Variants in TEX11 observed in about 807,000 individuals in gnomAD.
TEX11 encodes the protein testis-expressed protein 11.
Under a neutral mutation model 84.4 loss-of-function variants are expected in TEX11, and 7 were observed. That is an observed-to-expected ratio of 0.08 (90% CI 0.05 to 0.16). The LOEUF (loss-of-function observed/expected upper bound fraction) is 0.16. TEX11 is among the 10% of genes least tolerant of loss of function. The probability of loss-of-function intolerance (pLI) is 1.00; values close to 1 mark genes in which losing one functional copy is unlikely to be tolerated. For synonymous variants in TEX11, 264 were observed against 222.8 expected, an observed-to-expected ratio of 1.18 and a Z score of -1.64; for missense variants, 551 against 660.5, an observed-to-expected ratio of 0.83 and a Z score of 1.82.
intron 14 of TEX11, among the ~76,000 whole-genome samples, chrX:70,680,580 AAAAAAAAAAAAAAAAAGAATCTCG>A (rs1332550051): frequency 4.4e-4 from 3 of 6,892 alleles, no homozygotes; most frequent in Non-Finnish European, 4.1e-3. Context: ...ATGATCAATT[AAAAAAAAAAAAAAAAAGAATCTCG>A]GTCTATTACA....
chrX:70,708,561 T>C (rs1448429962), intron 13 of TEX11, among the ~76,000 whole-genome samples: 2 of 111,713 alleles, frequency 1.8e-5, no homozygotes, highest in East Asian at 5.6e-4. Context: ...TGTCCCTCAA[T>C]GGTGGATTGG....
intron 20 of TEX11, among the ~76,000 whole-genome samples, chrX:70,621,520 C>CA (rs1159445117): frequency 6.7e-5 from 1 of 14,939 alleles, no homozygotes; most frequent in African/African-American, 3.9e-4. Context: ...AACTCGGTCT[C>CA]AAAAAAAAAA....
At chrX:70,752,022 G>C (rs2090829791) in intron 9 of TEX11, among the ~76,000 whole-genome samples, 1 of 112,112 alleles carries the variant, frequency 8.9e-6, no homozygotes, top group East Asian at 2.8e-4. Context: ...AGAGCAGATT[G>C]GGTGGGAAAG....
chrX:70,584,638 A>T (rs1347393796), intron 25 of TEX11, among the ~76,000 whole-genome samples: 1 of 111,963 alleles, frequency 8.9e-6, no homozygotes, highest in African/African-American at 3.2e-5. Context: ...ATATCAATTA[A>T]AAAAACCCCA....
chrX:70,523,093 T>G, the TEX11 span, among the ~76,000 whole-genome samples: 1 of 110,820 alleles, frequency 9.0e-6, no homozygotes, highest in Non-Finnish European at 1.9e-5. Flanking sequence ...GTTTTTTAAA[T>G]TAAAAAAGTA....
chrX:70,688,833 G>A (rs1455999229), intron 13 of TEX11, among the ~76,000 whole-genome samples: 1 of 101,701 alleles, frequency 9.8e-6, no homozygotes, highest in Non-Finnish European at 2.0e-5. Flanking sequence ...AATTTGGGAG[G>A]TTGGGGGAAT....
chrX:70,786,112 A>G (rs1170480897), intron 9 of TEX11, among the ~76,000 whole-genome samples: 1 of 112,229 alleles, frequency 8.9e-6, no homozygotes, highest in African/African-American at 3.2e-5. Flanking sequence ...AATATGGCAC[A>G]TATACAGCAT....
intron 5 of TEX11, among the ~76,000 whole-genome samples, chrX:70,857,726 C>T (rs1307304246): frequency 9.0e-6 from 1 of 111,656 alleles, no homozygotes; most frequent in African/African-American, 3.3e-5. Flanking sequence ...GTTCAGATAG[C>T]GAATCTTCTT....
chrX:70,766,101 A>G (rs1346300606), intron 9 of TEX11, among the ~76,000 whole-genome samples: 1 of 112,113 alleles, frequency 8.9e-6, no homozygotes, highest in Admixed American at 9.5e-5. Context: ...AATGACAACT[A>G]TAAAACACTG....
At chrX:70,817,250 T>TACACACACAC (rs1341574531) in intron 8 of TEX11, among the ~76,000 whole-genome samples, 95 of 91,409 alleles carry the variant, frequency 1.0e-3, no homozygotes, top group African/African-American at 3.5e-3. Flanking sequence ...CACACATATA[T>TACACACACAC]ATATACACAC....
At chrX:70,694,961 G>A (rs1169374584) in intron 13 of TEX11, among the ~76,000 whole-genome samples, 1 of 111,492 alleles carries the variant, frequency 9.0e-6, no homozygotes, top group African/African-American at 3.3e-5. Context: ...ACTCACTACT[G>A]CAAGAACAGC....
intron 25 of TEX11, among the ~76,000 whole-genome samples, chrX:70,569,256 T>C (rs1256418833): frequency 8.9e-6 from 1 of 112,208 alleles, no homozygotes; most frequent in Non-Finnish European, 1.9e-5. Context: ...TTCAGCTCCA[T>C]CAGCTCCTTT....
At chrX:70,896,900 A>G (rs991922543) in intron 2 of TEX11, among the ~76,000 whole-genome samples, 1 of 108,710 alleles carries the variant, frequency 9.2e-6, no homozygotes, top group African/African-American at 3.3e-5. Flanking sequence ...GGAGAGCCTT[A>G]GGACAAATAC....
intron 25 of TEX11, among the ~76,000 whole-genome samples, chrX:70,573,080 A>G (rs898911248): frequency 3.6e-5 from 4 of 111,898 alleles, no homozygotes; most frequent in Non-Finnish European, 7.5e-5. Flanking sequence ...TATATTGGGA[A>G]CAGGGAGATT....
At chrX:70,606,143 C>G (rs73542420) in intron 23 of TEX11, among the ~76,000 whole-genome samples, 5,640 of 112,086 alleles carry the variant, frequency 0.05, 291 homozygotes, top group African/African-American at 0.15. Context: ...TTCTTAATCT[C>G]CCCAAACATT....
chrX:70,511,609 C>T, the TEX11 span, among the ~76,000 whole-genome samples: 1 of 105,483 alleles, frequency 9.5e-6, no homozygotes, highest in Admixed American at 1.0e-4. Flanking sequence ...AAAAATTAGC[C>T]AGATGTGGTG....
At chrX:70,765,217 C>T (rs1025428524) in intron 9 of TEX11, among the ~76,000 whole-genome samples, 4 of 111,349 alleles carry the variant, frequency 3.6e-5, no homozygotes, top group African/African-American at 1.3e-4. Context: ...GAAACCCCAT[C>T]TCTACTAAAA....
At chrX:70,782,688 C>T (rs2091049109) in intron 9 of TEX11, among the ~76,000 whole-genome samples, 1 of 97,110 alleles carries the variant, frequency 1.0e-5, no homozygotes, top group Non-Finnish European at 2.0e-5. Flanking sequence ...ATCCTAGTCT[C>T]TGATAAAACA....
chrX:70,594,329 G>A (rs993946770), intron 24 of TEX11, among the ~76,000 whole-genome samples: 37 of 111,092 alleles, frequency 3.3e-4, no homozygotes, highest in East Asian at 2.8e-4. Context: ...GAGAGAATTC[G>A]TTGCTAAGAG....
Sources: allele counts gnomAD v4.1 joint callset (sites outside exome capture counted in the v4.1 genomes callset), GRCh38; gene constraint gnomAD v4.1.1; transcripts MANE v1.5; gene names NCBI Gene and HGNC (gene_info 2026-07-23, HGNC 2026-07-21).